Variants in RNLS observed in about 807,000 individuals in gnomAD.
RNLS encodes the protein renalase.
In RNLS, 39 loss-of-function variants were observed where a neutral mutation model predicts 39.8. The observed-to-expected ratio is 0.98, with a 90% CI of 0.76 to 1.28. RNLS has a LOEUF of 1.28. RNLS is among the 50% of genes most tolerant of loss of function. The pLI is 0.00. For synonymous variants in RNLS, 147 were observed against 150.7 expected (o/e 0.98, Z 0.18); for missense variants, 410 against 413.3 (o/e 0.99, Z 0.07).
intron 4 of RNLS, among the ~76,000 whole-genome samples, chr10:88,501,288 G>A (rs1220637914): frequency 6.6e-6 from 1 of 152,062 alleles, no homozygotes; most frequent in Non-Finnish European, 1.5e-5. Flanking sequence ...GTCATTATCT[G>A]TGTCCCTGTC....
At chr10:88,413,769 A>G (rs183236980) in intron 4 of RNLS, among the ~76,000 whole-genome samples, 98 of 152,320 alleles carry the variant, frequency 6.4e-4, no homozygotes, top group Non-Finnish European at 8.5e-4. Flanking sequence ...TTCTGCTCAG[A>G]AATGTTTCAA....
At chr10:88,392,975 A>G (rs1379097715) in intron 4 of RNLS, among the ~76,000 whole-genome samples, 1 of 152,204 alleles carries the variant, frequency 6.6e-6, no homozygotes, top group African/African-American at 2.4e-5. Context: ...GGCCTCTGAC[A>G]AAACAAAATT....
chr10:88,174,543 G>C, the RNLS span, among the ~76,000 whole-genome samples: 3,211 of 152,112 alleles, frequency 0.021, 41 homozygotes, highest in Middle Eastern at 0.037. Flanking sequence ...TTCATTTTTA[G>C]ATGTGATGTA....
chr10:88,191,686 C>T, the RNLS span, among the ~76,000 whole-genome samples: 1 of 152,212 alleles, frequency 6.6e-6, no homozygotes, highest in South Asian at 2.1e-4. Flanking sequence ...TTGCTTCTGT[C>T]ATCAGAGAAG....
chr10:88,240,249 T>C, the RNLS span, among the ~76,000 whole-genome samples: 1 of 152,228 alleles, frequency 6.6e-6, no homozygotes, highest in Non-Finnish European at 1.5e-5. Context: ...TCTATCCGTA[T>C]ACTGAGTAAA....
intron 1 of RNLS, 27 bp downstream of exon 1, chr10:88,583,046 C>T: frequency 2.5e-6 from 4 of 1,603,478 alleles, no homozygotes; most frequent in Non-Finnish European, 3.4e-6. Flanking sequence ...TCCTCTTTTC[C>T]CAGGTTTTGG....
intron 4 of RNLS, among the ~76,000 whole-genome samples, chr10:88,521,417 G>A (rs1289470414): frequency 6.6e-6 from 1 of 151,974 alleles, no homozygotes; most frequent in Admixed American, 6.6e-5. Flanking sequence ...GCAGATGATG[G>A]GGAACTACTG....
intron 4 of RNLS, among the ~76,000 whole-genome samples, chr10:88,461,671 C>T (rs1330454496): frequency 1.3e-5 from 2 of 152,058 alleles, no homozygotes; most frequent in Non-Finnish European, 2.9e-5. Context: ...TTGGACCCTT[C>T]AATCAAGATC....
chr10:88,237,875 G>A, the RNLS span, among the ~76,000 whole-genome samples: 6,160 of 152,302 alleles, frequency 0.04, 173 homozygotes, highest in Non-Finnish European at 0.063. Flanking sequence ...TAGTTGAAGC[G>A]GTAACAAAAG....
At chr10:88,217,202 A>G in the RNLS span, among the ~76,000 whole-genome samples, 1 of 152,196 alleles carries the variant, frequency 6.6e-6, no homozygotes, top group East Asian at 1.9e-4. Flanking sequence ...CTAGGAGATA[A>G]CACCTGCTGT....
At chr10:88,561,850 C>T (rs989600112) in intron 4 of RNLS, among the ~76,000 whole-genome samples, 2 of 151,878 alleles carry the variant, frequency 1.3e-5, no homozygotes, top group African/African-American at 4.8e-5. Flanking sequence ...ACAAATAATC[C>T]ACTAGAAAAG....
rs1166332512 is a variant in RNLS at position 88,352,408 on chromosome 10, A to G, written c.700+10144T>C. Among the ~76,000 whole-genome samples, 6 of 152,276 alleles carry G rather than the reference A, an allele frequency of 3.9e-5. No homozygotes were observed. In the East Asian group the frequency reaches 5.8e-4, roughly 15 times the overall value. ...TAATTTATTGAGAGTTTTTAGCATGAAGGGTTGTTGAATTTTGTCAAAGGC... is the reference window on the plus strand; with the variant it reads ...TAATTTATTGAGAGTTTTTAGCATGGAGGGTTGTTGAATTTTGTCAAAGGC... On this transcript the variant is annotated intron_variant, in intron 5 of 6. Transcript: ENST00000331772.
At chr10:88,488,177 A>T (rs1291052982) in intron 4 of RNLS, among the ~76,000 whole-genome samples, 1 of 152,134 alleles carries the variant, frequency 6.6e-6, no homozygotes. Context: ...TGTATACATA[A>T]TATAAAACAT....
chr10:88,291,412 C>A (rs183003273), intron 6 of RNLS, among the ~76,000 whole-genome samples: 2 of 152,194 alleles, frequency 1.3e-5, no homozygotes, highest in Non-Finnish European at 2.9e-5. Flanking sequence ...AGAACCAAGT[C>A]TGGTTGTCTT....
At chr10:88,493,806 T>C (rs1442651366) in intron 4 of RNLS, among the ~76,000 whole-genome samples, 1 of 152,140 alleles carries the variant, frequency 6.6e-6, no homozygotes, top group African/African-American at 2.4e-5. Context: ...TGATGGGGGA[T>C]GTAAAGTCAT....
chr10:88,443,143 C>T (rs555570524), intron 4 of RNLS, among the ~76,000 whole-genome samples: 25 of 152,242 alleles, frequency 1.6e-4, no homozygotes, highest in Non-Finnish European at 2.4e-4. Context: ...TTTTACCACT[C>T]GCTATACAAA....
chr10:88,194,988 C>T, the RNLS span, among the ~76,000 whole-genome samples: 1 of 152,120 alleles, frequency 6.6e-6, no homozygotes, highest in Admixed American at 6.5e-5. Context: ...CAAAAATCCC[C>T]ACCAGAATAT....
intron 4 of RNLS, among the ~76,000 whole-genome samples, chr10:88,476,451 T>C (rs1409731623): frequency 2.6e-5 from 4 of 152,198 alleles, no homozygotes; most frequent in Non-Finnish European, 5.9e-5. Context: ...TATTCTTTTA[T>C]CCATGCTGTA....
chr10:88,212,728 C>T, the RNLS span, among the ~76,000 whole-genome samples: 1 of 152,182 alleles, frequency 6.6e-6, no homozygotes, highest in Admixed American at 6.5e-5. Flanking sequence ...GCACCTGGTA[C>T]CCAGATGAGC....
Sources: gnomAD v4.1 joint callset for allele counts (sites outside exome capture counted in the v4.1 genomes callset) on GRCh38, gnomAD v4.1.1 for gene constraint, MANE v1.5 for transcripts, NCBI Gene and HGNC (gene_info 2026-07-23, HGNC 2026-07-21) for gene names.